Variants in POC1B observed in about 807,000 individuals in gnomAD.
POC1B encodes the protein POC1 centriolar protein homolog B.
In POC1B, 44 loss-of-function variants were observed where a neutral mutation model predicts 60.6. The observed-to-expected ratio is 0.73, with a 90% CI of 0.57 to 0.93. The LOEUF is 0.93. POC1B is among the 40% of genes least tolerant of loss of function. POC1B has a pLI of 0.00. For synonymous variants in POC1B, 180 were observed against 198.9 expected, an observed-to-expected ratio of 0.90 and a Z score of 0.80; for missense variants, 555 against 572.3, an observed-to-expected ratio of 0.97 and a Z score of 0.31.
intron 10 of POC1B, among the ~76,000 whole-genome samples, chr12:89,430,095 G>C (rs1220678398): frequency 1.3e-5 from 2 of 152,158 alleles, no homozygotes; most frequent in African/African-American, 4.8e-5. Context: ...TTGCCATCTT[G>C]AAGATGGGAA....
At chr12:89,492,571 T>C (rs7979968) in intron 3 of POC1B, among the ~76,000 whole-genome samples, 1,550 of 152,282 alleles carry the variant, frequency 0.01, 15 homozygotes, top group Non-Finnish European at 0.018. Flanking sequence ...ATGGGGAAAA[T>C]TGTCATAAAT....
intron 11 of POC1B, 85 bp downstream of exon 11, chr12:89,425,076 T>G (rs1331497809): frequency 4.4e-5 from 60 of 1,374,236 alleles, no homozygotes; most frequent in Non-Finnish European, 5.8e-5. Context: ...TCCCCTGCTC[T>G]GCTAGTTCTG....
At chr12:89,481,261 T>C (rs1323768396) in intron 4 of POC1B, among the ~76,000 whole-genome samples, 1 of 152,216 alleles carries the variant, frequency 6.6e-6, no homozygotes, top group Non-Finnish European at 1.5e-5. Flanking sequence ...TTCCACTAAC[T>C]CCTTGGACAG....
At chr12:89,408,226 T>C in the POC1B span, among the ~76,000 whole-genome samples, 1 of 152,212 alleles carries the variant, frequency 6.6e-6, no homozygotes, top group Non-Finnish European at 1.5e-5. Flanking sequence ...TTTGGGTTGG[T>C]TCCAAGTCTT....
chr12:89,495,997 G>A (rs1030741235), intron 3 of POC1B, among the ~76,000 whole-genome samples: 2 of 152,080 alleles, frequency 1.3e-5, no homozygotes, highest in Non-Finnish European at 1.5e-5. Context: ...CTGACCTCAG[G>A]TGATCTGCCT....
At chr12:89,410,190 A>G in the POC1B span, among the ~76,000 whole-genome samples, 63 of 152,270 alleles carry the variant, frequency 4.1e-4, no homozygotes, top group Middle Eastern at 0.01. Flanking sequence ...CATAAACAGA[A>G]CCAGTGACAA....
chr12:89,415,256 A>G (rs953757756), downstream of POC1B, among the ~76,000 whole-genome samples: 4 of 152,236 alleles, frequency 2.6e-5, no homozygotes, highest in African/African-American at 9.6e-5. Flanking sequence ...TTTATTCACT[A>G]CCACTTAGTA....
At chr12:89,522,797 A>G (rs1000403457) in intron 2 of POC1B, 2 of 1,547,622 alleles carry the variant, frequency 1.3e-6, no homozygotes, top group East Asian at 4.5e-5. Context: ...GCTCATGACG[A>G]AAGTGCTGTT....
intron 4 of POC1B, 128 bp from the exon 5 acceptor site, chr12:89,472,403 G>GAATATGACTTTACTGCA: frequency 1.6e-6 from 1 of 627,798 alleles, no homozygotes; most frequent in Non-Finnish European, 2.7e-6. Flanking sequence ...ATCCCATGCA[G>GAATATGACTTTACTGCA]TAAAGTCATA....
In POC1B at chr12:89,456,646, CT is replaced by C. The variant is rs34611592; in HGVS notation, c.1113+2991del. ...CCACCAGTATATTCCTTTACAGAAA[CT>C]TTTTTTTTTAACAATAAAGCTTTAA... On this transcript the variant is annotated intron_variant, in intron 10 of 11. Coordinates refer to ENST00000313546, the MANE Select transcript of POC1B (RefSeq NM_172240.3). Among the ~76,000 whole-genome samples, 193 of 148,836 alleles carry C rather than the reference CT, an allele frequency of 1.3e-3. 1 individual carries two copies. Among genetic ancestry groups the C allele is most frequent in the South Asian group, 5.8e-3 (27 of 4,680 alleles).
At chr12:89,451,741 G>T (rs1882051202) in intron 10 of POC1B, among the ~76,000 whole-genome samples, 1 of 152,196 alleles carries the variant, frequency 6.6e-6, no homozygotes. Flanking sequence ...TAGCAGACTT[G>T]CTGACTACTT....
downstream of POC1B, among the ~76,000 whole-genome samples, chr12:89,417,914 G>A (rs1880390446): frequency 6.6e-6 from 1 of 152,220 alleles, no homozygotes; most frequent in South Asian, 2.1e-4. Context: ...TGCTTCAGGG[G>A]TGGAGGAAAA....
chr12:89,505,345 T>A (rs1176629387), intron 2 of POC1B, among the ~76,000 whole-genome samples: 1 of 152,214 alleles, frequency 6.6e-6, no homozygotes, highest in Non-Finnish European at 1.5e-5. Flanking sequence ...CAGAAATTCT[T>A]ATGTATGGTT....
At chr12:89,426,873 C>G (rs907504258) in intron 10 of POC1B, 7 of 149,344 alleles carry the variant, frequency 4.7e-5, no homozygotes, top group South Asian at 4.2e-4. Context: ...AACTATTATA[C>G]AAACCATCAT....
chr12:89,500,082 G>T, intron 2 of POC1B: 1 of 1,359,282 alleles, frequency 7.4e-7, no homozygotes, highest in Non-Finnish European at 1.0e-6. Context: ...CTGGCTCAGC[G>T]GGGCCGGAAC....
chr12:89,413,728 A>G, the POC1B span, among the ~76,000 whole-genome samples: 198 of 152,224 alleles, frequency 1.3e-3, no homozygotes, highest in African/African-American at 4.6e-3. Flanking sequence ...CCCTTGGCCA[A>G]AAAAGTGAAT....
At position 89,526,013 on chromosome 12, in the gene POC1B, C is replaced by G; in HGVS notation, c.-118G>C. Reference sequence around the variant, plus strand: ...CGGAACCGTCTGCCCAGAGCGGCAGCGCCTCCCGGTCACTACAACAACGGC... The same window carrying G: ...CGGAACCGTCTGCCCAGAGCGGCAGGGCCTCCCGGTCACTACAACAACGGC... On this transcript the variant is annotated 5_prime_UTR_variant, in exon 1 of 12. Coordinates refer to ENST00000313546, the MANE Select transcript of POC1B (RefSeq NM_172240.3). 1 of 1,538,778 alleles carries G rather than the reference C, an allele frequency of 6.5e-7. No homozygotes were observed. The highest frequency in any genetic ancestry group is 8.7e-7 in the Non-Finnish European group (1 of 1,145,636).
intron 10 of POC1B, among the ~76,000 whole-genome samples, chr12:89,440,878 T>C (rs1174007067): frequency 6.6e-6 from 1 of 152,206 alleles, no homozygotes; most frequent in Admixed American, 6.5e-5. Context: ...AGGGAAGCCA[T>C]GACAGATGGT....
chr12:89,441,957 G>T (rs542402149), intron 10 of POC1B, among the ~76,000 whole-genome samples: 1 of 152,324 alleles, frequency 6.6e-6, no homozygotes, highest in South Asian at 2.1e-4. Flanking sequence ...AGAACCATGT[G>T]ACGCACGCAC....
Sources: allele counts gnomAD v4.1 joint callset (sites outside exome capture counted in the v4.1 genomes callset), GRCh38; gene constraint gnomAD v4.1.1; transcripts MANE v1.5; gene names NCBI Gene and HGNC (gene_info 2026-07-23, HGNC 2026-07-21).